CD5: variants seen among roughly 807,000 people sequenced by gnomAD.
The protein encoded by CD5 is T-cell surface glycoprotein CD5.
A neutral mutation model predicts 60.3 loss-of-function variants in CD5; 36 were observed. The observed-to-expected ratio is 0.60, with a 90% CI of 0.46 to 0.79. The LOEUF (loss-of-function observed/expected upper bound fraction) is 0.79. Ranked by LOEUF, CD5 falls within the 30% of genes least tolerant of loss-of-function variation. The pLI is 0.00. For synonymous variants in CD5, 230 were observed against 257.6 expected (o/e 0.89, Z 1.03); for missense variants, 540 against 630.6 (o/e 0.86, Z 1.54).
chr11:61,098,586 A>G (rs565487584), upstream of CD5, among the ~76,000 whole-genome samples: 93 of 152,282 alleles, frequency 6.1e-4, no homozygotes, highest in African/African-American at 2.1e-3. Context: ...CACTGTGAAA[A>G]TCCCTGTCCT....
chr11:61,119,155 T>C (rs182432078), intron 4 of CD5, 79 bp from the exon 5 acceptor site: 9 of 1,386,310 alleles, frequency 6.5e-6, no homozygotes, highest in Non-Finnish European at 8.8e-6. Context: ...TGTCCACAAG[T>C]TGGGGCCAAA....
At chr11:61,112,411 A>AG (rs1007219008) in intron 1 of CD5, among the ~76,000 whole-genome samples, 2 of 152,128 alleles carry the variant, frequency 1.3e-5, no homozygotes, top group African/African-American at 2.4e-5. Context: ...TGGGAGGCTG[A>AG]GGGGGGTGGA....
chr11:61,101,505 C>T (rs543601421), upstream of CD5, among the ~76,000 whole-genome samples: 44 of 148,984 alleles, frequency 3.0e-4, no homozygotes, highest in African/African-American at 1.0e-3. Flanking sequence ...ACACACACAT[C>T]AACCCCAACA....
chr11:61,120,343 G>C (rs548814294), intron 5 of CD5, among the ~76,000 whole-genome samples: 65 of 152,188 alleles, frequency 4.3e-4, no homozygotes, highest in Non-Finnish European at 7.2e-4. Context: ...TGTACTTACC[G>C]AGAGCTTACT....
chr11:61,105,372 G>C (rs74401485), intron 1 of CD5, among the ~76,000 whole-genome samples: 3,432 of 152,290 alleles, frequency 0.023, 137 homozygotes, highest in African/African-American at 0.076. Flanking sequence ...CTTACCAACT[G>C]GGCGACCTTG....
intron 1 of CD5, among the ~76,000 whole-genome samples, chr11:61,105,991 G>A (rs1358208410): frequency 6.6e-6 from 1 of 152,100 alleles, no homozygotes; most frequent in East Asian, 1.9e-4. Context: ...CGGGAGTGGT[G>A]GCACGCACCT....
chr11:61,113,403 C>T (rs977508819), intron 1 of CD5, among the ~76,000 whole-genome samples: 1 of 152,230 alleles, frequency 6.6e-6, no homozygotes, highest in Non-Finnish European at 1.5e-5. Flanking sequence ...TGAGACCAGG[C>T]TACAAGGAGG....
At chr11:61,102,743 G>C (rs1045743710) in intron 1 of CD5, 128 bp downstream of exon 1, 1 of 813,864 alleles carries the variant, frequency 1.2e-6, no homozygotes, top group East Asian at 2.7e-5. Flanking sequence ...GTGGAGATTT[G>C]GGGCCACTGG....
upstream of CD5, among the ~76,000 whole-genome samples, chr11:61,100,345 C>A (rs1209761167): frequency 3.4e-4 from 38 of 113,108 alleles, no homozygotes; most frequent in Non-Finnish European, 6.4e-4. Context: ...ACACACACAT[C>A]AACATGGAGA....
chr11:61,119,661 G>A (rs780571120), intron 5 of CD5, 86 bp downstream of exon 5: 14 of 914,362 alleles, frequency 1.5e-5, no homozygotes, highest in Non-Finnish European at 2.2e-5. Flanking sequence ...GGGAACATGT[G>A]TGCAGCACAG....
Position 61,106,074 on chromosome 11 carries a change from G to A in CD5, c.55+3459G>A, listed in dbSNP as rs531641440. ...TGGGAGGCGGAGGTTGCGGTGAGCC[G>A]AGATCGCGCCATTGCACTCCAGCCT... On this transcript the variant is annotated intron_variant, in intron 1 of 10. Coordinates refer to ENST00000347785, the MANE Select transcript of CD5 (RefSeq NM_014207.4). Among the ~76,000 whole-genome samples, 6 of 134,730 alleles carry A rather than the reference G, an allele frequency of 4.5e-5. No homozygotes were observed. The East Asian group carries it at 9.1e-4, about 20-fold the overall frequency. The allele number at this position is 134,730 out of a possible 152,430, so 88.4% of individuals were successfully genotyped here.
upstream of CD5, chr11:61,102,337 G>T (rs1251849156): frequency 3.4e-6 from 2 of 581,980 alleles, no homozygotes; most frequent in East Asian, 2.9e-5. Flanking sequence ...GCTGGCAGAG[G>T]CCAGGGCTGC....
intron 6 of CD5, among the ~76,000 whole-genome samples, chr11:61,122,373 TGATGGATGGATGGATGGATG>T (rs6144363): frequency 1.2e-4 from 14 of 116,764 alleles, no homozygotes; most frequent in African/African-American, 2.2e-4. Flanking sequence ...GGTGGATGGA[TGATGGATGGATGGATGGATG>T]GATGGATGGA....
upstream of CD5, among the ~76,000 whole-genome samples, chr11:61,100,270 C>T (rs199813122): frequency 0.079 from 10,647 of 135,574 alleles, 366 homozygotes; most frequent in Non-Finnish European, 0.095. Flanking sequence ...AGATCACACA[C>T]ACATCAACAT....
the CD5 span, among the ~76,000 whole-genome samples, chr11:61,095,281 G>A: frequency 4.5e-3 from 687 of 152,134 alleles, 9 homozygotes; most frequent in African/African-American, 0.015. Context: ...TTGAAAGCTC[G>A]CTTACAGCCC....
At chr11:61,119,144 TTG>T in intron 4 of CD5, 88 bp from the exon 5 acceptor site, 4 of 1,311,644 alleles carry the variant, frequency 3.0e-6, no homozygotes, top group Non-Finnish European at 4.2e-6. Context: ...TAGTCAGTAG[TTG>T]TCCACAAGTT....
chr11:61,125,846 G>C lies in CD5; in HGVS notation c.*2+5G>C, dbSNP rs1861142433. 5 of 1,597,550 alleles carry C rather than the reference G, an allele frequency of 3.1e-6. No individual in the cohort carries two copies. Among genetic ancestry groups the C allele is most frequent in the Non-Finnish European group, 3.4e-6 (4 of 1,169,764 alleles). On this transcript the variant is annotated splice_donor_5th_base_variant and intron_variant, in intron 10 of 10. Transcript: ENST00000347785. Reference sequence around the variant, plus strand: ...TGGGGCTCAGAGGCTGTAAAGGTGAGCCCGTCTCCAGCCTGACCCCAGCAC... The same window carrying C: ...TGGGGCTCAGAGGCTGTAAAGGTGACCCCGTCTCCAGCCTGACCCCAGCAC...
intron 2 of CD5, among the ~76,000 whole-genome samples, chr11:61,116,659 A>C (rs1860961976): frequency 2.2e-5 from 3 of 138,432 alleles, no homozygotes; most frequent in South Asian, 2.3e-4. Context: ...CACACACACC[A>C]CACACACCAC....
intron 8 of CD5, 45 bp from the exon 9 acceptor site, chr11:61,124,987 A>G (rs1590776751): frequency 6.2e-7 from 1 of 1,612,416 alleles, no homozygotes; most frequent in African/African-American, 1.3e-5. Flanking sequence ...AAGGAGACGG[A>G]GGACACAGCC....
Sources: gnomAD v4.1 joint callset for allele counts (sites outside exome capture counted in the v4.1 genomes callset) on GRCh38, gnomAD v4.1.1 for gene constraint, MANE v1.5 for transcripts, NCBI Gene and HGNC (gene_info 2026-07-23, HGNC 2026-07-21) for gene names.